The following RHOJ variants were observed in gnomAD, a reference collection of about 807,000 sequenced individuals.
RHOJ encodes the protein rho-related GTP-binding protein RhoJ.
RHOJ carries 11 observed loss-of-function variants against 23.4 expected under a neutral mutation model. The observed-to-expected ratio is 0.47, with a 90% confidence interval of 0.30 to 0.78. The LOEUF (loss-of-function observed/expected upper bound fraction) is 0.78, where lower values mean the gene tolerates loss of function less well. RHOJ is among the 30% of genes least tolerant of loss of function. RHOJ has a pLI of 0.08. For synonymous variants in RHOJ, 102 were observed against 102.7 expected (o/e 0.99, Z 0.04); for missense variants, 254 against 273.4 (o/e 0.93, Z 0.50).
At chr14:63,270,389 C>T (rs1895446624) in intron 2 of RHOJ, among the ~76,000 whole-genome samples, 1 of 152,166 alleles carries the variant, frequency 6.6e-6, no homozygotes, top group South Asian at 2.1e-4. Flanking sequence ...CTTCTAAGAG[C>T]ATCCGGCGTC....
intron 1 of RHOJ, among the ~76,000 whole-genome samples, chr14:63,225,501 T>C (rs182836141): frequency 6.6e-6 from 1 of 152,358 alleles, no homozygotes; most frequent in East Asian, 1.9e-4. Flanking sequence ...GATGTTTTCA[T>C]TTTTACTTCT....
chr14:63,280,892 T>C, intron 2 of RHOJ, 79 bp from the exon 3 acceptor site: 1 of 1,399,492 alleles, frequency 7.1e-7, no homozygotes, highest in Middle Eastern at 1.9e-4. Context: ...TAGTGGACTC[T>C]TACCTGAAAT....
intron 4 of RHOJ, among the ~76,000 whole-genome samples, chr14:63,286,269 C>T (rs1200357861): frequency 6.6e-6 from 1 of 152,160 alleles, no homozygotes; most frequent in African/African-American, 2.4e-5. Flanking sequence ...GGGAGACAGG[C>T]AAACAAAAGC....
intron 1 of RHOJ, among the ~76,000 whole-genome samples, chr14:63,256,054 T>C (rs963740461): frequency 6.6e-6 from 1 of 151,948 alleles, no homozygotes; most frequent in African/African-American, 2.4e-5. Flanking sequence ...TTGTTGTTGT[T>C]TGCTTGTTTT....
chr14:63,290,867 T>C lies in RHOJ; in HGVS notation c.499-11T>C, dbSNP rs2139671986. On this transcript the variant is annotated splice_polypyrimidine_tract_variant and intron_variant, in intron 4 of 4. Transcript: ENST00000316754. ...TTTATCTCTCATGCCTTTCTCTCTT[T>C]TGTGTTTAAGATCGGAGCACAGTGC... 3 of 1,601,318 alleles carry C rather than the reference T, an allele frequency of 1.9e-6. No homozygotes were observed. The highest frequency in any genetic ancestry group is 1.7e-6 in the Non-Finnish European group (2 of 1,174,712).
chr14:63,278,006 T>G (rs1302488106), intron 2 of RHOJ, among the ~76,000 whole-genome samples: 1 of 121,332 alleles, frequency 8.2e-6, no homozygotes, highest in Non-Finnish European at 1.6e-5. Flanking sequence ...CACACAGACA[T>G]AGGCACAACT....
At chr14:63,221,007 G>A (rs1213827851) in intron 1 of RHOJ, among the ~76,000 whole-genome samples, 1 of 152,044 alleles carries the variant, frequency 6.6e-6, no homozygotes, top group African/African-American at 2.4e-5. Context: ...CTCCTCTATG[G>A]TCTCTCAGCT....
intron 2 of RHOJ, 38 bp downstream of exon 2, chr14:63,269,206 G>C: frequency 6.9e-7 from 1 of 1,457,886 alleles, no homozygotes; most frequent in Non-Finnish European, 9.6e-7. Flanking sequence ...GAGGGCGGTG[G>C]TGTAGGGGAG....
At chr14:63,274,045 C>A (rs1881634966) in intron 2 of RHOJ, among the ~76,000 whole-genome samples, 1 of 152,220 alleles carries the variant, frequency 6.6e-6, no homozygotes, top group Non-Finnish European at 1.5e-5. Context: ...CTCCCCCAGG[C>A]CCTGATTTCT....
At chr14:63,273,202 C>T (rs1429248493) in intron 2 of RHOJ, among the ~76,000 whole-genome samples, 1 of 152,158 alleles carries the variant, frequency 6.6e-6, no homozygotes, top group African/African-American at 2.4e-5. Context: ...AGGTAGAATT[C>T]CAAACATTAG....
At position 63,291,113 on chromosome 14, in the gene RHOJ, AC is replaced by A; in HGVS notation, c.*91del. The A allele has an allele frequency of 6.8e-7, 1 of 1,469,194 alleles. No individual in the cohort carries two copies. Among genetic ancestry groups the A allele is most frequent in the Non-Finnish European group, 9.4e-7 (1 of 1,058,372 alleles). The allele number at this position is 1,469,194 out of a possible 1,614,324, so 91.0% of individuals were successfully genotyped here. On this transcript the variant is annotated 3_prime_UTR_variant, in exon 5 of 5. Coordinates refer to ENST00000316754, the MANE Select transcript of RHOJ (RefSeq NM_020663.5). The stretch of plus-strand genomic sequence containing the variant: ...AGCTCCAGCCAAAAAGGAGGGCACG[AC>A]CAGAAAGGAACTCCCTTTGCACGGA...
intron 1 of RHOJ, among the ~76,000 whole-genome samples, chr14:63,211,345 A>G (rs188943136): frequency 6.6e-6 from 1 of 152,278 alleles, no homozygotes; most frequent in Admixed American, 6.5e-5. Context: ...CATATCTGTA[A>G]TCCCAGTGCT....
chr14:63,266,594 C>G (rs2139652890), intron 1 of RHOJ, among the ~76,000 whole-genome samples: 1 of 152,322 alleles, frequency 6.6e-6, no homozygotes, highest in African/African-American at 2.4e-5. Context: ...TTTGTATCAT[C>G]TATAATTTCT....
chr14:63,238,573 C>T (rs1894830145), intron 1 of RHOJ, among the ~76,000 whole-genome samples: 1 of 152,180 alleles, frequency 6.6e-6, no homozygotes, highest in African/African-American at 2.4e-5. Flanking sequence ...AGGCACACAA[C>T]ACCATGCCCG....
intron 1 of RHOJ, among the ~76,000 whole-genome samples, chr14:63,234,341 C>T (rs571096272): frequency 1.1e-4 from 17 of 152,324 alleles, no homozygotes; most frequent in African/African-American, 4.1e-4. Context: ...GACTAAACTA[C>T]GATCCCTCAA....
intron 1 of RHOJ, among the ~76,000 whole-genome samples, chr14:63,238,177 G>A (rs183607702): frequency 3.4e-4 from 52 of 152,328 alleles, no homozygotes; most frequent in African/African-American, 1.2e-3. Flanking sequence ...TTAGAAAGTT[G>A]AAATCAAATT....
At chr14:63,251,522 T>C (rs1335356317) in intron 1 of RHOJ, among the ~76,000 whole-genome samples, 3 of 152,156 alleles carry the variant, frequency 2.0e-5, no homozygotes, top group Admixed American at 1.3e-4. Flanking sequence ...TTCAACAAGC[T>C]CTCTGCAGAC....
chr14:63,238,476 G>T (rs935654517), intron 1 of RHOJ, among the ~76,000 whole-genome samples: 3 of 152,092 alleles, frequency 2.0e-5, no homozygotes, highest in South Asian at 2.1e-4. Context: ...GAGTGCAGTG[G>T]TGCCATCTCA....
At chr14:63,214,059 G>C (rs183269323) in intron 1 of RHOJ, among the ~76,000 whole-genome samples, 2 of 152,118 alleles carry the variant, frequency 1.3e-5, no homozygotes, top group Non-Finnish European at 2.9e-5. Context: ...AATACAATAC[G>C]CACAGATAAA....
Sources: allele counts gnomAD v4.1 joint callset (sites outside exome capture counted in the v4.1 genomes callset), GRCh38; gene constraint gnomAD v4.1.1; transcripts MANE v1.5; gene names NCBI Gene and HGNC (gene_info 2026-07-23, HGNC 2026-07-21).